IQCC: variants seen among roughly 807,000 people sequenced by gnomAD.
IQCC encodes IQ domain-containing protein C.
In IQCC, 23 loss-of-function variants were observed where a neutral mutation model predicts 27.0. That is an observed-to-expected ratio of 0.85 (90% confidence interval 0.61 to 1.21). The LOEUF is 1.21. IQCC is among the 50% of genes most tolerant of loss of function. IQCC has a pLI of 0.00. For synonymous variants in IQCC, 220 were observed against 217.2 expected, an observed-to-expected ratio of 1.01 and a Z score of -0.11; for missense variants, 552 against 562.3, an observed-to-expected ratio of 0.98 and a Z score of 0.19.
chr1:32,207,959 GA>G lies in IQCC; in HGVS notation c.1283del (p.Lys428SerfsTer42). The G allele has an allele frequency of 6.2e-7, 1 of 1,614,186 alleles. No individual in the cohort carries two copies. Among genetic ancestry groups the G allele is most frequent in the Non-Finnish European group, 8.5e-7 (1 of 1,180,028 alleles). ...CCAATGAGCCTAGTCATGAAGGACA[GA>G]AAAAGCAGAGGACTATACCATGGAG... ...TSNEPSHEGQ[K>X]KQRTIPWRSK... On this transcript the variant is annotated frameshift_variant, in exon 5 of 5. Coordinates refer to ENST00000291358, the MANE Select transcript of IQCC (RefSeq NM_018134.3). LOFTEE classifies it low-confidence loss of function (END_TRUNC).
rs1480330011 is a variant in IQCC, at chr1:32,207,121, G to A, written c.558+1G>A. ...ACAGGCCATCAATAGCCGTAAGGAG[G>A]TAACACTAACCTGGAACTCTTTCTG... On this transcript the variant is annotated splice_donor_variant, in intron 4 of 4. Transcript: ENST00000291358. LOFTEE classifies it high-confidence loss of function. 3 of 1,604,544 alleles carry A rather than the reference G, an allele frequency of 1.9e-6. No individual in the cohort carries two copies. The Admixed American group carries it at 5.1e-5, about 27-fold the overall frequency.
At position 32,205,983 on chromosome 1, in the gene IQCC, C is replaced by T. The variant is rs1366070442; in HGVS notation, c.43-171C>T. The T allele has an allele frequency of 2.6e-6, 4 of 1,559,534 alleles. No homozygotes were observed. The Admixed American group carries it at 5.8e-5, about 23-fold the overall frequency. ...CTTAAGGCGAGGAGGGGCATCCAGTCTGGCATCGTCCCTCGAGCCCCCCGG... is the reference window on the plus strand; with the variant it reads ...CTTAAGGCGAGGAGGGGCATCCAGTTTGGCATCGTCCCTCGAGCCCCCCGG... On this transcript the variant is annotated intron_variant, in intron 1 of 4. Coordinates refer to ENST00000291358, the MANE Select transcript of IQCC (RefSeq NM_018134.3). This position sits in a 1 kb window ranked among gnomAD's most constrained non-coding sequence, Gnocchi z 5.6.
chr1:32,206,416 C>A, intron 2 of IQCC, 93 bp from the exon 3 acceptor site: 2 of 1,602,720 alleles, frequency 1.2e-6, no homozygotes, highest in Non-Finnish European at 1.7e-6. Context: ...ACACCCCACT[C>A]CTTAACCCTC....
At chr1:32,206,454 C>T in intron 2 of IQCC, 55 bp from the exon 3 acceptor site, 4 of 1,609,642 alleles carry the variant, frequency 2.5e-6, no homozygotes, top group Non-Finnish European at 3.4e-6. Context: ...ATCATGGTGC[C>T]CAGATACTTG....
At chr1:32,206,803 T>G in intron 3 of IQCC, 42 bp downstream of exon 3, 1 of 1,602,770 alleles carries the variant, frequency 6.2e-7, no homozygotes. Flanking sequence ...TGACCCTCAC[T>G]GTGCCTCAGC....
At position 32,206,688 on chromosome 1, in the gene IQCC, C is replaced by T. The variant is rs775850220; in HGVS notation, c.366C>T (p.Ser122=). The T allele has an allele frequency of 3.7e-6, 6 of 1,614,150 alleles. No individual in the cohort carries two copies. In the South Asian group the frequency reaches 6.6e-5, roughly 18 times the overall value. Residue 122 remains serine (S), a synonymous_variant, in exon 3 of 5, where the codon TCC becomes TCT. Transcript: ENST00000291358. ...NQGSLCRDHS[S]WLQMKQNRKP... ...GAAGCCTCTGCAGAGATCACAGCTC[C>T]TGGCTTCAGATGAAGCAGAACAGGA...
chr1:32,206,495 CTCT>C lies in IQCC; in HGVS notation c.187-12_187-10del, dbSNP rs1557522507. Reference sequence around the variant, plus strand: ...GTTTAGCCCTGGGGCTCTCACATCTCTCTTGTTTCTCAGAAGGCAAAATCCCAT... The same window carrying C: ...GTTTAGCCCTGGGGCTCTCACATCTCTGTTTCTCAGAAGGCAAAATCCCAT... On this transcript the variant is annotated splice_polypyrimidine_tract_variant and intron_variant, in intron 2 of 4. Coordinates refer to ENST00000291358, the MANE Select transcript of IQCC (RefSeq NM_018134.3). 2 of 1,613,972 alleles carry C rather than the reference CTCT, an allele frequency of 1.2e-6. No homozygotes were observed. The highest frequency in any genetic ancestry group is 3.3e-5 in the Admixed American group (2 of 60,024).
chr1:32,205,713 C>T lies in IQCC; in HGVS notation c.32C>T (p.Ser11Phe). The T allele has an allele frequency of 6.2e-7, 1 of 1,611,704 alleles. No individual in the cohort carries two copies. The highest frequency in any genetic ancestry group is 8.5e-7 in the Non-Finnish European group (1 of 1,179,620). MEPELLVRKV[S>F]ALQACVRGFL... ...CCAGAGCTGCTGGTTCGGAAGGTGTCTGCATTGCAGGTGCGGGGGCGGGCG... is the reference window on the plus strand; with the variant it reads ...CCAGAGCTGCTGGTTCGGAAGGTGTTTGCATTGCAGGTGCGGGGGCGGGCG... Residue 11 changes from serine (S) to phenylalanine (F), a missense_variant, in exon 1 of 5, where the codon TCT (serine) becomes TTT (phenylalanine). By Grantham distance (155) the Ser-to-Phe change is radical. Coordinates refer to ENST00000291358, the MANE Select transcript of IQCC (RefSeq NM_018134.3). This position sits in a 1 kb window ranked among gnomAD's most constrained non-coding sequence, Gnocchi z 5.6.
At chr1:32,206,055 CT>C in intron 1 of IQCC, 98 bp from the exon 2 acceptor site, 1 of 1,601,278 alleles carries the variant, frequency 6.2e-7, no homozygotes, top group Non-Finnish European at 8.5e-7. Context: ...GTCAGGTCCC[CT>C]CTTGCATTCG....
In IQCC at chr1:32,206,066, G is replaced by T. The variant is rs576149608; in HGVS notation, c.43-88G>T. On this transcript the variant is annotated intron_variant, in intron 1 of 4. Transcript: ENST00000291358. Reference sequence around the variant, plus strand: ...CGCCGTCAGGTCCCCTCTTGCATTCGCCGGGACGACCTCTTCAGGACAGTC... The same window carrying T: ...CGCCGTCAGGTCCCCTCTTGCATTCTCCGGGACGACCTCTTCAGGACAGTC... The T allele has an allele frequency of 9.4e-6, 15 of 1,601,236 alleles. No homozygotes were observed. In the East Asian group the frequency reaches 2.0e-4, roughly 22 times the overall value.
chr1:32,206,046 T>C, intron 1 of IQCC, 108 bp from the exon 2 acceptor site: 1 of 1,599,400 alleles, frequency 6.3e-7, no homozygotes, highest in South Asian at 1.1e-5. Context: ...TTCCCCGCCG[T>C]CAGGTCCCCT....
In IQCC at chr1:32,208,160, C is replaced by G; in HGVS notation, c.*78C>G. The G allele has an allele frequency of 7.0e-7, 1 of 1,427,850 alleles. No individual in the cohort carries two copies. Among genetic ancestry groups the G allele is most frequent in the Non-Finnish European group, 9.3e-7 (1 of 1,073,698 alleles). The allele number at this position is 1,427,850 out of a possible 1,614,324, so 88.4% of individuals were successfully genotyped here. A position where few individuals can be genotyped will look rare whatever the true frequency, so the allele number is the denominator to read the frequency against. Reference sequence around the variant, plus strand: ...GCAGTGAGACAAGACCTCATCCTACCTCCCTGACCAGCTCTGGCTTCTGCT... The same window carrying G: ...GCAGTGAGACAAGACCTCATCCTACGTCCCTGACCAGCTCTGGCTTCTGCT... On this transcript the variant is annotated 3_prime_UTR_variant, in exon 5 of 5. Transcript: ENST00000291358.
intron 2 of IQCC, 38 bp downstream of exon 2, chr1:32,206,335 G>A: frequency 6.2e-7 from 1 of 1,610,610 alleles, no homozygotes. Flanking sequence ...GGAGGGACTT[G>A]GGCAGGGTGG....
chr1:32,207,815 G>A lies in IQCC; in HGVS notation c.1134G>A (p.Glu378=), dbSNP rs1237627530. 2 of 1,614,090 alleles carry A rather than the reference G, an allele frequency of 1.2e-6. No individual in the cohort carries two copies. The highest frequency in any genetic ancestry group is 1.7e-6 in the Non-Finnish European group (2 of 1,180,012). Residue 378 remains glutamate (E), a synonymous_variant, in exon 5 of 5, where the codon GAG becomes GAA. Coordinates refer to ENST00000291358, the MANE Select transcript of IQCC (RefSeq NM_018134.3). ...TVRTQELGLS[E]DHIIWDGTLG... is the part of the protein sequence containing the mutation. The stretch of plus-strand genomic sequence containing the variant: ...GGACACAAGAGTTGGGCCTCTCAGA[G>A]GACCACATCATCTGGGATGGTACCT...
Position 32,206,258 on chromosome 1 carries a change from G to T in IQCC, c.147G>T (p.Trp49Cys), listed in dbSNP as rs1302196557. The change falls in exon 2 of 5, where the codon TGG becomes TGT. Residue 49 changes from tryptophan to cysteine, a missense_variant. Physicochemically the swap from Trp to Cys is radical, Grantham distance 215. Transcript: ENST00000291358. ...AGGGCGACCTGGGCACGCTTCAGTG[G>T]ACCGAGGGCCGCATTCCCAGGCCGC... Reference protein sequence around the residue: ...EVEGDLGTLQWTEGRIPRPRF... With the variant: ...EVEGDLGTLQCTEGRIPRPRF... 1 of 1,614,078 alleles carries T rather than the reference G, an allele frequency of 6.2e-7. No homozygotes were observed. The highest frequency in any genetic ancestry group is 8.5e-7 in the Non-Finnish European group (1 of 1,180,042).
At chr1:32,206,408 A>AC in intron 2 of IQCC, 101 bp from the exon 3 acceptor site, 1 of 1,598,070 alleles carries the variant, frequency 6.3e-7, no homozygotes, top group Non-Finnish European at 8.5e-7. Flanking sequence ...ACCTCCTCAC[A>AC]CCCCACTCCT....
rs1370577337 is a variant in IQCC, at chr1:32,208,290, T to G, written c.*208T>G. The G allele has an allele frequency of 1.8e-5, 10 of 548,680 alleles. No homozygotes were observed. Among genetic ancestry groups the G allele is most frequent in the Admixed American group, 9.7e-5 (3 of 30,776 alleles). The allele number at this position is 548,680 out of a possible 1,614,324, so 34.0% of individuals were successfully genotyped here. ...GGACACATTTTCAATCCTCTGCCTG[T>G]AGCTCAATCCAAATTTGTGGATAAG... is the stretch of plus-strand genomic sequence containing the variant. On this transcript the variant is annotated 3_prime_UTR_variant, in exon 5 of 5. Coordinates refer to ENST00000291358, the MANE Select transcript of IQCC (RefSeq NM_018134.3).
Position 32,206,683 on chromosome 1 carries a change from A to T in IQCC, c.361A>T (p.Ser121Cys). ...TCAAGGAAGCCTCTGCAGAGATCAC[A>T]GCTCCTGGCTTCAGATGAAGCAGAA... ...ANQGSLCRDH[S>C]SWLQMKQNRK... Residue 121 changes from serine (S) to cysteine (C), a missense_variant, in exon 3 of 5, where the codon AGC becomes TGC. Transcript: ENST00000291358. 6.2e-7 allele frequency: 1 copy of T among 1,614,226 alleles called. No homozygotes were observed. The highest frequency in any genetic ancestry group is 8.5e-7 in the Non-Finnish European group (1 of 1,180,030).
Position 32,205,710 on chromosome 1 carries a change from T to C in IQCC, c.29T>C (p.Val10Ala), listed in dbSNP as rs776498051. The C allele has an allele frequency of 1.9e-6, 3 of 1,610,938 alleles. No homozygotes were observed. In the South Asian group the frequency reaches 3.3e-5, roughly 18 times the overall value. Reference protein sequence around the residue: MEPELLVRKVSALQACVRGF... With the variant: MEPELLVRKASALQACVRGF... ...GAGCCAGAGCTGCTGGTTCGGAAGG[T>C]GTCTGCATTGCAGGTGCGGGGGCGG... Residue 10 changes from valine to alanine, a missense_variant, in exon 1 of 5, where the codon GTG becomes GCG. Val to Ala is a moderately conservative substitution (Grantham distance 64, BLOSUM62 0). Coordinates refer to ENST00000291358, the MANE Select transcript of IQCC (RefSeq NM_018134.3). This position sits in a 1 kb window ranked among gnomAD's most constrained non-coding sequence, Gnocchi z 5.6.
Sources: allele counts gnomAD v4.1 joint callset, GRCh38; gene constraint gnomAD v4.1.1; non-coding constraint Gnocchi (gnomAD v3.1); transcripts MANE v1.5; gene names NCBI Gene and HGNC (gene_info 2026-07-23, HGNC 2026-07-21).